Variants in SVEP1 observed in about 807,000 individuals in gnomAD.
SVEP1 encodes sushi, von Willebrand factor type A, EGF and pentraxin domain containing 1.
SVEP1 carries 164 observed loss-of-function variants against 367.3 expected under a neutral mutation model. The ratio of observed to expected loss-of-function variants is 0.45; its 90% confidence interval spans 0.39 to 0.51. The LOEUF is 0.51. Ranked by LOEUF, SVEP1 falls within the 20% of genes least tolerant of loss-of-function variation. The probability of loss-of-function intolerance (pLI) is 0.00; values close to 1 mark genes in which losing one functional copy is unlikely to be tolerated. For missense variants in SVEP1, 4,117 were observed against 4,425.3 expected (o/e 0.93, Z 1.98); for synonymous variants, 1,666 against 1,611.6 (o/e 1.03, Z -0.81).
At chr9:110,475,143 CAT>C (rs1234166093) in intron 14 of SVEP1, among the ~76,000 whole-genome samples, 1 of 151,906 alleles carries the variant, frequency 6.6e-6, no homozygotes, top group Non-Finnish European at 1.5e-5. Context: ...GTATAATAAA[CAT>C]ATGCACAAAT....
chr9:110,481,782 G>A (rs1473634940), intron 11 of SVEP1, among the ~76,000 whole-genome samples: 7 of 152,018 alleles, frequency 4.6e-5, no homozygotes, highest in Admixed American at 3.9e-4. Flanking sequence ...GTGCTATCTC[G>A]ACTCACTGCA....
chr9:110,380,268 G>A (rs1827414240), intron 43 of SVEP1, among the ~76,000 whole-genome samples: 1 of 152,074 alleles, frequency 6.6e-6, no homozygotes, highest in Non-Finnish European at 1.5e-5. Flanking sequence ...GGTGGGCAAG[G>A]GTTAGATTGG....
chr9:110,551,025 C>T (rs1830279291), intron 1 of SVEP1, among the ~76,000 whole-genome samples: 1 of 152,028 alleles, frequency 6.6e-6, no homozygotes. Context: ...GGTATATTTT[C>T]TGGTAAGTTC....
At position 110,436,455 on chromosome 9, in the gene SVEP1, T is replaced by A. The variant is rs780648911; in HGVS notation, c.4689A>T (p.Gly1563=). The change falls in exon 28 of 48, where the codon GGA becomes GGT. Residue 1563 remains glycine, a synonymous_variant. Coordinates refer to ENST00000374469, the MANE Select transcript of SVEP1 (RefSeq NM_153366.4). ...LGQEQDKKGE[G]FSPAESFVGS... ...CCACAAAAGACTCAGCTGGGCTGAA[T>A]CCCTCTCCTTTTTTGTCTTGCTCTT... is the stretch of plus-strand genomic sequence containing the variant. 1.6e-5 allele frequency: 26 copies of A among 1,613,930 alleles called. No homozygotes were observed. In the South Asian group the frequency reaches 2.5e-4, roughly 16 times the overall value.
In SVEP1 at chr9:110,394,518, T is replaced by C. The variant is rs371097528; in HGVS notation, c.9823-4931A>G. Among the ~76,000 whole-genome samples the C allele has an allele frequency of 1.1e-3, 168 of 152,056 alleles. 1 individual carries two copies. The East Asian group carries it at 0.02, about 18-fold the overall frequency. On this transcript the variant is annotated intron_variant, in intron 40 of 47. Coordinates refer to ENST00000374469, the MANE Select transcript of SVEP1 (RefSeq NM_153366.4). ...CTGGACAGAGAATGACTTTGACGAG[T>C]TGAGAGAAGAAGGCTTCAGATGATC...
intron 3 of SVEP1, among the ~76,000 whole-genome samples, chr9:110,523,964 C>G (rs748104462): frequency 3.0e-4 from 46 of 151,894 alleles, no homozygotes; most frequent in Non-Finnish European, 2.5e-4. Flanking sequence ...AGAGAAGGCA[C>G]AAATTACCAA....
chr9:110,477,243 G>A (rs533874132), intron 13 of SVEP1, among the ~76,000 whole-genome samples: 2 of 152,040 alleles, frequency 1.3e-5, no homozygotes, highest in East Asian at 3.9e-4. Flanking sequence ...ATAATCCATC[G>A]ACCCTAGTGC....
Position 110,450,279 on chromosome 9 carries a change from G to A in SVEP1, c.3902-19C>T. ...TGCAGGCCTGAGGATGGAGAAGGAAGAGAAACAGCCCAAATGATTAACTCC... is the reference window on the plus strand; with the variant it reads ...TGCAGGCCTGAGGATGGAGAAGGAAAAGAAACAGCCCAAATGATTAACTCC... On this transcript the variant is annotated intron_variant, in intron 23 of 47. Coordinates refer to ENST00000374469, the MANE Select transcript of SVEP1 (RefSeq NM_153366.4). 6.2e-7 allele frequency: 1 copy of A among 1,612,626 alleles called. No individual in the cohort carries two copies. Among genetic ancestry groups the A allele is most frequent in the Non-Finnish European group, 8.5e-7 (1 of 1,178,932 alleles).
chr9:110,410,644 T>C (rs552380875), intron 37 of SVEP1, among the ~76,000 whole-genome samples: 1 of 152,240 alleles, frequency 6.6e-6, no homozygotes, highest in Non-Finnish European at 1.5e-5. Flanking sequence ...CAGAAAGTTA[T>C]ATACTAAAGA....
chr9:110,509,715 G>A (rs1200287405), intron 5 of SVEP1, among the ~76,000 whole-genome samples: 1 of 152,136 alleles, frequency 6.6e-6, no homozygotes, highest in Non-Finnish European at 1.5e-5. Context: ...GGTCATCAAT[G>A]TATATACTGT....
At position 110,404,452 on chromosome 9, in the gene SVEP1, AT is replaced by A; in HGVS notation, c.9540del (p.Lys3180AsnfsTer8). 6.2e-7 allele frequency: 1 copy of A among 1,613,984 alleles called. No homozygotes were observed. The highest frequency in any genetic ancestry group is 8.5e-7 in the Non-Finnish European group (1 of 1,179,888). On this transcript the variant is annotated frameshift_variant, in exon 39 of 48. Transcript: ENST00000374469. LOFTEE classifies it high-confidence loss of function. ...FPERISCSPK[K>X]CPLPENITHI... ...TGTGTTATGTTTTCCGGGAGAGGAC[AT>A]TTTTTAGGACTGCAGGAGATTCTCT...
chr9:110,519,184 T>C (rs1829845277), intron 3 of SVEP1, among the ~76,000 whole-genome samples: 1 of 152,202 alleles, frequency 6.6e-6, no homozygotes, highest in Non-Finnish European at 1.5e-5. Flanking sequence ...TTTGTTGTTG[T>C]TGTTAGGATT....
At chr9:110,567,148 A>G (rs1311185788) in intron 1 of SVEP1, among the ~76,000 whole-genome samples, 2 of 152,216 alleles carry the variant, frequency 1.3e-5, no homozygotes, top group African/African-American at 4.8e-5. Flanking sequence ...TATCCTTTCA[A>G]GAATTCTAAA....
intron 13 of SVEP1, among the ~76,000 whole-genome samples, chr9:110,478,181 G>C (rs1035553371): frequency 2.0e-5 from 3 of 152,130 alleles, no homozygotes; most frequent in Non-Finnish European, 2.9e-5. Flanking sequence ...GTGGCTCACT[G>C]CCTCATTCTT....
In SVEP1 at chr9:110,375,382, G is replaced by C. The variant is rs1305203089; in HGVS notation, c.10586C>G (p.Ser3529Cys). 6.6e-7 allele frequency: 1 copy of C among 1,526,088 alleles called. No homozygotes were observed. The highest frequency in any genetic ancestry group is 2.5e-5 in the East Asian group (1 of 39,848). 94.5% of individuals were successfully genotyped at this position (1,526,088 alleles called of 1,614,324 possible). Residue 3529 changes from serine to cysteine, a missense_variant, in exon 46 of 48, where the codon TCT becomes TGT. Ser to Cys is a moderately radical substitution (Grantham distance 112). Around this residue, in one of 4 missense-constraint regions of SVEP1, gnomAD observed 1,765 missense variants for 1,781.1 expected, o/e 0.99. Transcript: ENST00000374469. ...AAGAGGCCTACCTGTATGACAGCGAGACCCCGTCCAGCCAGGCGGGCAGTC... is the reference window on the plus strand; with the variant it reads ...AAGAGGCCTACCTGTATGACAGCGACACCCCGTCCAGCCAGGCGGGCAGTC... ...QCDCPPGWTG[S>C]RCHTAVCQSP...
chr9:110,521,065 T>C (rs115233541), intron 3 of SVEP1, among the ~76,000 whole-genome samples: 1 of 152,240 alleles, frequency 6.6e-6, no homozygotes, highest in African/African-American at 2.4e-5. Context: ...CTACAAAGAG[T>C]TGTGCTAAGA....
rs1350819027 is a variant in SVEP1, at chr9:110,523,818, C to A, written c.965-9712G>T. Among the ~76,000 whole-genome samples, 7 of 150,716 alleles carry A rather than the reference C, an allele frequency of 4.6e-5. No individual in the cohort carries two copies. In the East Asian group the frequency reaches 1.2e-3, roughly 25 times the overall value. ...GCTTGAAAAAGAAGAGCAAAATAAA[C>A]CCAAATTAGAGGGAAGGAAATAGTA... On this transcript the variant is annotated intron_variant, in intron 3 of 47. Transcript: ENST00000374469.
chr9:110,423,168 T>TAAAAAAAAA, intron 36 of SVEP1, among the ~76,000 whole-genome samples: 12 of 103,642 alleles, frequency 1.2e-4, no homozygotes, highest in East Asian at 2.5e-4. Context: ...AAAAATAAAG[T>TAAAAAAAAA]AAAAAAAAAA....
At chr9:110,465,138 T>C (rs1007987152) in intron 18 of SVEP1, among the ~76,000 whole-genome samples, 5 of 152,146 alleles carry the variant, frequency 3.3e-5, no homozygotes, top group Non-Finnish European at 5.9e-5. Flanking sequence ...AACAGAAATA[T>C]GAATTCTCAG....
Sources: allele counts gnomAD v4.1 joint callset (sites outside exome capture counted in the v4.1 genomes callset), GRCh38; gene constraint gnomAD v4.1.1; regional missense constraint gnomAD v4.1.1; transcripts MANE v1.5; gene names NCBI Gene and HGNC (gene_info 2026-07-23, HGNC 2026-07-21).